MGAT4C: variants seen among roughly 807,000 people sequenced by gnomAD.
MGAT4C encodes the protein alpha-1,3-mannosyl-glycoprotein 4-beta-N-acetylglucosaminyltransferase C.
A neutral mutation model predicts 40.1 loss-of-function variants in MGAT4C; 19 were observed. That is an observed-to-expected ratio of 0.47 (90% confidence interval 0.33 to 0.70). MGAT4C has a LOEUF of 0.70. MGAT4C is among the 30% of genes least tolerant of loss of function. The probability of loss-of-function intolerance (pLI) is 0.02; values close to 1 mark genes in which losing one functional copy is unlikely to be tolerated. For synonymous variants in MGAT4C, 181 were observed against 187.1 expected (o/e 0.97, Z 0.27); for missense variants, 491 against 563.2 (o/e 0.87, Z 1.30).
intron 1 of MGAT4C, among the ~76,000 whole-genome samples, chr12:86,169,499 C>T (rs1012630391): frequency 4.6e-5 from 7 of 152,152 alleles, no homozygotes; most frequent in African/African-American, 1.7e-4. Context: ...CAAACTTCAT[C>T]TCCATTTAAT....
intron 3 of MGAT4C, among the ~76,000 whole-genome samples, chr12:86,427,752 G>A (rs1350925532): frequency 6.6e-6 from 1 of 152,174 alleles, no homozygotes; most frequent in African/African-American, 2.4e-5. Context: ...TGGACGCGGT[G>A]GCTCATGCCT....
intron 2 of MGAT4C, among the ~76,000 whole-genome samples, chr12:86,501,456 A>C (rs982055909): frequency 4.6e-5 from 7 of 152,010 alleles, no homozygotes; most frequent in African/African-American, 1.7e-4. Flanking sequence ...TAAGCTCAGC[A>C]TGCATTACCT....
At chr12:86,146,859 T>A (rs953881760) in intron 1 of MGAT4C, among the ~76,000 whole-genome samples, 1 of 151,936 alleles carries the variant, frequency 6.6e-6, no homozygotes, top group African/African-American at 2.4e-5. Flanking sequence ...GATTATAACA[T>A]GTACTTTCAT....
At chr12:86,239,941 G>A (rs1951707451) in intron 1 of MGAT4C, among the ~76,000 whole-genome samples, 1 of 150,420 alleles carries the variant, frequency 6.6e-6, no homozygotes, top group Admixed American at 6.6e-5. Flanking sequence ...ACACGTTAGT[G>A]GGTGCAGCGC....
chr12:86,035,083 G>T (rs1891105774), intron 2 of MGAT4C, among the ~76,000 whole-genome samples: 1 of 149,770 alleles, frequency 6.7e-6, no homozygotes, highest in African/African-American at 2.4e-5. Flanking sequence ...TAACCCTTTG[G>T]GTACATACCC....
Position 86,261,889 on chromosome 12 carries a change from A to C in MGAT4C, c.-57+72176T>G, listed in dbSNP as rs112133260. On this transcript the variant is annotated intron_variant, in intron 4 of 7. Transcript: ENST00000548651. ...TCATGCCTTGTTTAAAATCCTTCAG[A>C]AGTTCTTGTTCTTATAAGGAGAAAG... 3.0e-3 allele frequency among the ~76,000 whole-genome samples: 455 copies of C among 152,118 alleles called. 6 individuals carry two copies. Among genetic ancestry groups the C allele is most frequent in the African/African-American group, 0.01 (429 of 41,544 alleles).
At chr12:86,427,037 T>C (rs949582229) in intron 3 of MGAT4C, among the ~76,000 whole-genome samples, 1 of 152,154 alleles carries the variant, frequency 6.6e-6, no homozygotes, top group Admixed American at 6.5e-5. Flanking sequence ...TATTCAAGTG[T>C]CCATGCCTTA....
chr12:86,755,727 A>G (rs1951294114), intron 1 of MGAT4C, among the ~76,000 whole-genome samples: 1 of 151,414 alleles, frequency 6.6e-6, no homozygotes, highest in African/African-American at 2.4e-5. Context: ...TGGTCACTAC[A>G]GCCTCAACCT....
chr12:86,573,925 C>T (rs1022113441), intron 2 of MGAT4C, among the ~76,000 whole-genome samples: 1 of 151,846 alleles, frequency 6.6e-6, no homozygotes, highest in African/African-American at 2.4e-5. Flanking sequence ...GAACAGATAT[C>T]TTCAAAGCAA....
At chr12:86,813,901 TTTTC>T (rs1390124076) in intron 1 of MGAT4C, among the ~76,000 whole-genome samples, 1 of 151,920 alleles carries the variant, frequency 6.6e-6, no homozygotes, top group African/African-American at 2.4e-5. Context: ...AAATATTCCT[TTTTC>T]TTTCTTTTTT....
At chr12:86,836,316 GAGTC>G (rs1167799898) in intron 1 of MGAT4C, among the ~76,000 whole-genome samples, 1 of 151,966 alleles carries the variant, frequency 6.6e-6, no homozygotes, top group Non-Finnish European at 1.5e-5. Context: ...AGCAACTAAA[GAGTC>G]AGGCTTCATT....
chr12:86,363,107 T>C (rs1383581248), intron 3 of MGAT4C, among the ~76,000 whole-genome samples: 2 of 152,062 alleles, frequency 1.3e-5, no homozygotes, highest in African/African-American at 4.8e-5. Context: ...TACCTATTTA[T>C]CTTAATTAAT....
At chr12:86,408,501 A>C (rs1371499300) in intron 3 of MGAT4C, among the ~76,000 whole-genome samples, 1 of 141,752 alleles carries the variant, frequency 7.1e-6, no homozygotes, top group African/African-American at 2.6e-5. Context: ...ATATATATAT[A>C]TATATATATA....
intron 2 of MGAT4C, among the ~76,000 whole-genome samples, chr12:86,609,346 T>C (rs1487467761): frequency 6.6e-6 from 1 of 152,104 alleles, no homozygotes; most frequent in Non-Finnish European, 1.5e-5. Context: ...AAGCAAGCCT[T>C]AGAAATTCAA....
chr12:86,120,407 G>A (rs548259081), intron 1 of MGAT4C, among the ~76,000 whole-genome samples: 9 of 152,104 alleles, frequency 5.9e-5, no homozygotes, highest in Admixed American at 2.0e-4. Context: ...CTCCCAGCAC[G>A]CAGCTTGAGA....
chr12:86,587,685 T>C (rs1961117435), intron 2 of MGAT4C, among the ~76,000 whole-genome samples: 1 of 152,040 alleles, frequency 6.6e-6, no homozygotes, highest in South Asian at 2.1e-4. Flanking sequence ...GGTGGATTCC[T>C]AGGTATTTTA....
At chr12:86,081,334 C>A (rs1870802093) in intron 1 of MGAT4C, among the ~76,000 whole-genome samples, 1 of 152,088 alleles carries the variant, frequency 6.6e-6, no homozygotes, top group Non-Finnish European at 1.5e-5. Flanking sequence ...TCAGCATAGT[C>A]AAAGTGACTC....
chr12:86,341,855 T>C (rs1954912355), intron 3 of MGAT4C, among the ~76,000 whole-genome samples: 1 of 152,142 alleles, frequency 6.6e-6, no homozygotes, highest in African/African-American at 2.4e-5. Flanking sequence ...GACATCTGAA[T>C]TGCCCTAGGA....
At chr12:86,378,793 T>C (rs1955877466) in intron 3 of MGAT4C, among the ~76,000 whole-genome samples, 1 of 152,154 alleles carries the variant, frequency 6.6e-6, no homozygotes, top group African/African-American at 2.4e-5. Flanking sequence ...GAACTTGAAG[T>C]CATGTTGGCT....
Sources: gnomAD v4.1 joint callset for allele counts (sites outside exome capture counted in the v4.1 genomes callset) on GRCh38, gnomAD v4.1.1 for gene constraint, MANE v1.5 for transcripts, NCBI Gene and HGNC (gene_info 2026-07-23, HGNC 2026-07-21) for gene names.